Variants in WTAP observed in about 807,000 individuals in gnomAD.
WTAP encodes pre-mRNA-splicing regulator WTAP.
In WTAP, 8 loss-of-function variants were observed where a neutral mutation model predicts 50.0. That is an observed-to-expected ratio of 0.16 (90% CI 0.09 to 0.29). WTAP has a LOEUF of 0.29. WTAP is among the 10% of genes least tolerant of loss of function. The pLI, the probability that WTAP is intolerant of heterozygous loss-of-function variation, is 1.00. For synonymous variants in WTAP, 194 were observed against 169.0 expected, an observed-to-expected ratio of 1.15 and a Z score of -1.15; for missense variants, 295 against 470.7, an observed-to-expected ratio of 0.63 and a Z score of 3.45.
chr6:159,740,061 T>A (rs551862864), intron 3 of WTAP, among the ~76,000 whole-genome samples: 3 of 152,136 alleles, frequency 2.0e-5, no homozygotes, highest in African/African-American at 7.2e-5. Flanking sequence ...CTCAGGCTGG[T>A]CTTGAATGCC....
intron 3 of WTAP, among the ~76,000 whole-genome samples, chr6:159,739,413 C>T (rs1779108632): frequency 6.6e-6 from 1 of 152,138 alleles, no homozygotes; most frequent in South Asian, 2.1e-4. Context: ...CCTTCACCAG[C>T]TCATATAACT....
chr6:159,738,956 G>T, intron 2 of WTAP, 34 bp from the exon 3 acceptor site: 1 of 1,546,698 alleles, frequency 6.5e-7, no homozygotes, highest in Non-Finnish European at 8.9e-7. Flanking sequence ...TCTTCAGGAA[G>T]AACACTAAAT....
rs150641041 is a variant in WTAP at position 159,741,777 on chromosome 6, C to T, written c.87-311C>T. 992 of 208,228 alleles carry T rather than the reference C, an allele frequency of 4.8e-3. 11 individuals carry two copies. The highest frequency in any genetic ancestry group is 0.022 in the African/African-American group (940 of 42,106). 12.9% of individuals were successfully genotyped at this position (208,228 alleles called of 1,614,324 possible). ...CCAGGGTGTGAGGATCATTTGAGCTCGGGAGTTCAAGACCAGCCTGGGCAA... is the reference window on the plus strand; with the variant it reads ...CCAGGGTGTGAGGATCATTTGAGCTTGGGAGTTCAAGACCAGCCTGGGCAA... On this transcript the variant is annotated intron_variant, in intron 3 of 7. Transcript: ENST00000621533.
At chr6:159,740,636 T>C (rs1052933786) in intron 3 of WTAP, among the ~76,000 whole-genome samples, 6 of 152,108 alleles carry the variant, frequency 3.9e-5, no homozygotes, top group Admixed American at 2.0e-4. Flanking sequence ...TGGCCTTGGC[T>C]GAACATCAGT....
intron 5 of WTAP, among the ~76,000 whole-genome samples, chr6:159,746,575 T>A (rs1402967006): frequency 6.6e-6 from 1 of 152,212 alleles, no homozygotes; most frequent in Non-Finnish European, 1.5e-5. Context: ...CTTTGCCAAG[T>A]ACATCAGTAG....
At chr6:159,743,938 A>G in intron 5 of WTAP, 146 bp downstream of exon 5, 2 of 964,594 alleles carry the variant, frequency 2.1e-6, no homozygotes, top group Non-Finnish European at 2.7e-6. Context: ...AGAATACTAG[A>G]TGAAAAATTT....
chr6:159,729,575 A>G (rs1281384389), intron 1 of WTAP, among the ~76,000 whole-genome samples: 1 of 134,006 alleles, frequency 7.5e-6, no homozygotes, highest in African/African-American at 3.3e-5. Flanking sequence ...TTTTATTTGA[A>G]AAATCTATAG....
chr6:159,737,195 C>T (rs373884715), intron 2 of WTAP, among the ~76,000 whole-genome samples: 103 of 152,150 alleles, frequency 6.8e-4, no homozygotes, highest in African/African-American at 2.4e-3. Flanking sequence ...GCTACAAGTA[C>T]GTGCCACCAC....
At chr6:159,740,825 C>A (rs573474813) in intron 3 of WTAP, among the ~76,000 whole-genome samples, 1 of 152,078 alleles carries the variant, frequency 6.6e-6, no homozygotes, top group South Asian at 2.1e-4. Flanking sequence ...CCTCAGCCTC[C>A]CAAGTAGCTG....
intron 6 of WTAP, among the ~76,000 whole-genome samples, chr6:159,752,050 A>T (rs1417794301): frequency 2.6e-5 from 4 of 150,974 alleles, no homozygotes; most frequent in Non-Finnish European, 5.9e-5. Context: ...CAACACAGTG[A>T]GACCCCCATC....
At chr6:159,732,829 G>A (rs1188726517) in intron 1 of WTAP, among the ~76,000 whole-genome samples, 1 of 151,294 alleles carries the variant, frequency 6.6e-6, no homozygotes, top group Admixed American at 6.6e-5. Context: ...AGGGGGAGGG[G>A]GAGTGTCTCT....
upstream of WTAP, chr6:159,726,925 C>T (rs1778198577): frequency 1.6e-6 from 2 of 1,288,800 alleles, no homozygotes; most frequent in Non-Finnish European, 2.0e-6. Flanking sequence ...GCACCTGGTC[C>T]TCCGACACGC....
Position 159,748,161 on chromosome 6 carries a change from G to T in WTAP, c.274-30G>T. 1 of 1,597,784 alleles carries T rather than the reference G, an allele frequency of 6.3e-7. No homozygotes were observed. The highest frequency in any genetic ancestry group is 1.1e-5 in the South Asian group (1 of 89,382). On this transcript the variant is annotated intron_variant, in intron 5 of 7. Coordinates refer to ENST00000621533, the MANE Select transcript of WTAP (RefSeq NM_001270531.2). This position sits in a 1 kb window ranked among gnomAD's most constrained non-coding sequence, Gnocchi z 5.6. Reference sequence around the variant, plus strand: ...TTCTTATGTATGTTTCCTTTGATTTGGTCGTAATTGTTTCTTTTGCTTTGC... The same window carrying T: ...TTCTTATGTATGTTTCCTTTGATTTTGTCGTAATTGTTTCTTTTGCTTTGC...
intron 6 of WTAP, among the ~76,000 whole-genome samples, chr6:159,752,982 GT>G (rs1779875646): frequency 6.6e-6 from 1 of 152,170 alleles, no homozygotes. Context: ...CTTATTAAAT[GT>G]TTTTCTAGCA....
intron 5 of WTAP, among the ~76,000 whole-genome samples, chr6:159,747,587 A>G (rs1779649048): frequency 6.6e-6 from 1 of 152,208 alleles, no homozygotes; most frequent in Non-Finnish European, 1.5e-5. Context: ...TTTTTCCTTT[A>G]GAAATTCAAA....
chr6:159,726,828 G>A (rs1204020085), upstream of WTAP: 1 of 1,289,196 alleles, frequency 7.8e-7, no homozygotes, highest in Non-Finnish European at 1.0e-6. Context: ...GGAAGGCATC[G>A]GTTTCTAAGT....
chr6:159,746,984 C>T (rs1345789979), intron 5 of WTAP, among the ~76,000 whole-genome samples: 1 of 152,158 alleles, frequency 6.6e-6, no homozygotes, highest in Non-Finnish European at 1.5e-5. Flanking sequence ...GGTTTATTCT[C>T]GCTCTGTTAT....
chr6:159,734,036 TAAC>T (rs1194799709), intron 1 of WTAP, among the ~76,000 whole-genome samples: 4 of 152,246 alleles, frequency 2.6e-5, no homozygotes, highest in African/African-American at 9.6e-5. Flanking sequence ...CAGGGTTTAA[TAAC>T]AGTATGATTA....
Position 159,755,329 on chromosome 6 carries a change from TC to T in WTAP, c.911del (p.Pro304LeufsTer26). On this transcript the variant is annotated frameshift_variant, in exon 8 of 8. Coordinates refer to ENST00000621533, the MANE Select transcript of WTAP (RefSeq NM_001270531.2). LOFTEE classifies it high-confidence loss of function. ...REGNTTEDDF[P>X]SSPGNGNKSS... ...AGGGCAACACAACCGAAGATGACTT[TC>T]CTTCTTCTCCAGGGAATGGTAATAA... 4 of 1,614,238 alleles carry T rather than the reference TC, an allele frequency of 2.5e-6. No individual in the cohort carries two copies. Among genetic ancestry groups the T allele is most frequent in the Non-Finnish European group, 3.4e-6 (4 of 1,180,038 alleles).
Sources: allele counts gnomAD v4.1 joint callset (sites outside exome capture counted in the v4.1 genomes callset), GRCh38; gene constraint gnomAD v4.1.1; non-coding constraint Gnocchi (gnomAD v3.1); transcripts MANE v1.5; gene names NCBI Gene and HGNC (gene_info 2026-07-23, HGNC 2026-07-21).